The following GDAP1 variants were observed in gnomAD, a reference collection of about 807,000 sequenced individuals.
GDAP1 encodes the protein ganglioside-induced differentiation-associated protein 1.
Under a neutral mutation model 40.1 loss-of-function variants are expected in GDAP1, and 34 were observed. The ratio of observed to expected loss-of-function variants is 0.85; its 90% CI spans 0.64 to 1.13. The LOEUF (loss-of-function observed/expected upper bound fraction) is 1.13. Among genes scored for constraint, GDAP1 ranks in the 50% most tolerant of loss-of-function variants. GDAP1 has a pLI of 0.00. For missense variants in GDAP1, 374 were observed against 433.7 expected, an observed-to-expected ratio of 0.86 and a Z score of 1.22; for synonymous variants, 170 against 157.4, an observed-to-expected ratio of 1.08 and a Z score of -0.60.
chr8:74,364,411 T>C lies in GDAP1; in HGVS notation c.*44T>C. On this transcript the variant is annotated 3_prime_UTR_variant, in exon 6 of 6. Coordinates refer to ENST00000220822, the MANE Select transcript of GDAP1 (RefSeq NM_018972.4). ...GTGGCAGCTCATCCAAGCATTTAGC[T>C]AGACCCTGTGATTGCCCGTGGCTCT... is the stretch of plus-strand genomic sequence containing the variant. 1 of 1,593,490 alleles carries C rather than the reference T, an allele frequency of 6.3e-7. No homozygotes were observed. The highest frequency in any genetic ancestry group is 1.1e-5 in the South Asian group (1 of 90,646).
intron 2 of GDAP1, 145 bp from the exon 3 acceptor site, chr8:74,359,990 GAA>G (rs762098515): frequency 1.4e-6 from 1 of 692,248 alleles, no homozygotes; most frequent in Non-Finnish European, 2.6e-6. Flanking sequence ...AACTTTGAAT[GAA>G]TGTCTGAGGT....
At chr8:74,404,005 G>A (rs1305499994) in intron 2 of GDAP1, among the ~76,000 whole-genome samples, 1 of 150,028 alleles carries the variant, frequency 6.7e-6, no homozygotes, top group Non-Finnish European at 1.5e-5. Flanking sequence ...AGTTTATCCA[G>A]TACAAATAAT....
chr8:74,449,232 G>T (rs562911102), intron 2 of GDAP1, among the ~76,000 whole-genome samples: 2 of 151,796 alleles, frequency 1.3e-5, no homozygotes, highest in Non-Finnish European at 2.9e-5. Flanking sequence ...CTAATTCACC[G>T]TGTTGATTAC....
chr8:74,402,253 CA>C (rs1156577396), intron 2 of GDAP1, among the ~76,000 whole-genome samples: 1 of 150,522 alleles, frequency 6.6e-6, no homozygotes, highest in Non-Finnish European at 1.5e-5. Context: ...CAAGCCTGGG[CA>C]ATGGCGGGCG....
At chr8:74,430,608 A>G (rs1197134348) in intron 2 of GDAP1, among the ~76,000 whole-genome samples, 1 of 152,188 alleles carries the variant, frequency 6.6e-6, no homozygotes, top group African/African-American at 2.4e-5. Context: ...CAGCTACTAC[A>G]TAAAAAGGGA....
chr8:74,426,472 G>C (rs1805948977), intron 2 of GDAP1, among the ~76,000 whole-genome samples: 1 of 152,188 alleles, frequency 6.6e-6, no homozygotes, highest in African/African-American at 2.4e-5. Flanking sequence ...TAGAACAACT[G>C]TGTTTTCAAT....
chr8:74,355,548 A>G (rs1050697147), intron 2 of GDAP1, among the ~76,000 whole-genome samples: 1 of 152,230 alleles, frequency 6.6e-6, no homozygotes, highest in Non-Finnish European at 1.5e-5. Context: ...AAGCTAGATA[A>G]GGTATGAGAG....
chr8:74,367,276 A>G (rs919434355), downstream of GDAP1, among the ~76,000 whole-genome samples: 6 of 152,174 alleles, frequency 3.9e-5, no homozygotes, highest in African/African-American at 1.4e-4. Context: ...TATTTTTGAC[A>G]TAGCTAATTC....
intron 2 of GDAP1, among the ~76,000 whole-genome samples, chr8:74,483,570 TA>T (rs1441542404): frequency 2.0e-5 from 3 of 152,178 alleles, no homozygotes; most frequent in Admixed American, 6.5e-5. Context: ...AGTCATCTTT[TA>T]TAGGGTTATA....
chr8:74,463,437 G>C (rs949041023), intron 2 of GDAP1, among the ~76,000 whole-genome samples: 1 of 147,518 alleles, frequency 6.8e-6, no homozygotes, highest in African/African-American at 2.5e-5. Context: ...CTCCAGCTTG[G>C]GTGACAGAGC....
intron 2 of GDAP1, among the ~76,000 whole-genome samples, chr8:74,403,152 T>C (rs1007647348): frequency 2.0e-5 from 3 of 150,116 alleles, no homozygotes; most frequent in Non-Finnish European, 2.9e-5. Context: ...TCTCTGGGTG[T>C]ATTTGGCCTA....
intron 2 of GDAP1, among the ~76,000 whole-genome samples, chr8:74,384,809 T>C (rs1810002364): frequency 6.6e-6 from 1 of 152,214 alleles, no homozygotes; most frequent in South Asian, 2.1e-4. Flanking sequence ...CATCTTTATG[T>C]CTTGAGTAAA....
At chr8:74,367,922 G>C (rs181220912), downstream of GDAP1, among the ~76,000 whole-genome samples, 2 of 150,730 alleles carry the variant, frequency 1.3e-5, no homozygotes, top group African/African-American at 5.0e-5. Context: ...AGAAGGCAGT[G>C]GGGTAGAGCA....
chr8:74,376,380 A>C (rs10093996), intron 2 of GDAP1, among the ~76,000 whole-genome samples: 1 of 146,772 alleles, frequency 6.8e-6, no homozygotes, highest in Non-Finnish European at 1.5e-5. Flanking sequence ...ATGGAGTCTC[A>C]CTCTGTTGCC....
intron 1 of GDAP1, 112 bp downstream of exon 1, chr8:74,350,690 G>T (rs1808814278): frequency 2.5e-6 from 2 of 801,772 alleles, no homozygotes; most frequent in African/African-American, 1.7e-5. Flanking sequence ...CGCCTCCAGT[G>T]TCCTGACCCC....
At chr8:74,411,310 A>G (rs1449543541) in intron 2 of GDAP1, among the ~76,000 whole-genome samples, 1 of 149,354 alleles carries the variant, frequency 6.7e-6, no homozygotes, top group Non-Finnish European at 1.5e-5. Context: ...TAGAAATATC[A>G]CTCGTTTTGT....
intron 2 of GDAP1, among the ~76,000 whole-genome samples, chr8:74,402,994 T>C (rs1266953779): frequency 3.3e-5 from 5 of 150,056 alleles, no homozygotes; most frequent in African/African-American, 1.3e-4. Flanking sequence ...AGTTAATGGA[T>C]ATGTAGGAAT....
intron 2 of GDAP1, among the ~76,000 whole-genome samples, chr8:74,418,242 A>G (rs1805809770): frequency 6.6e-6 from 1 of 152,248 alleles, no homozygotes; most frequent in Admixed American, 6.5e-5. Context: ...AATTGGCTAA[A>G]GAGAAGACCA....
chr8:74,410,302 C>T lies in GDAP1; in HGVS notation c.165+58981C>T, dbSNP rs964418805. On this transcript the variant is annotated intron_variant, in intron 2 of 2. Coordinates refer to the GDAP1 transcript ENST00000523640. ...ATCTTAAATTGATTGAATTTATCTG[C>T]ATTTCCAACCAGAAACTATTGGGAA... 2.3e-4 allele frequency among the ~76,000 whole-genome samples: 34 copies of T among 149,968 alleles called. 4 individuals carry two copies. Among genetic ancestry groups the T allele is most frequent in the African/African-American group, 8.4e-4 (33 of 39,364 alleles).
Sources: allele counts gnomAD v4.1 joint callset (sites outside exome capture counted in the v4.1 genomes callset), GRCh38; gene constraint gnomAD v4.1.1; transcripts MANE v1.5; gene names NCBI Gene and HGNC (gene_info 2026-07-23, HGNC 2026-07-21).